Variants in GRIK4 observed in about 807,000 individuals in gnomAD.
The protein encoded by GRIK4 is glutamate receptor ionotropic, kainate 4.
A neutral mutation model predicts 104.9 loss-of-function variants in GRIK4; 40 were observed. The ratio of observed to expected loss-of-function variants is 0.38; its 90% CI spans 0.30 to 0.50. GRIK4 has a LOEUF of 0.50. GRIK4 is among the 20% of genes least tolerant of loss of function. The pLI, the probability that GRIK4 is intolerant of heterozygous loss-of-function variation, is 0.93. For synonymous variants in GRIK4, 485 were observed against 524.9 expected (o/e 0.92, Z 1.04); for missense variants, 1,047 against 1,308.1 (o/e 0.80, Z 3.08).
intron 1 of GRIK4, among the ~76,000 whole-genome samples, chr11:120,585,863 C>T (rs912350846): frequency 9.9e-5 from 15 of 151,906 alleles, no homozygotes; most frequent in African/African-American, 3.6e-4. Flanking sequence ...GGGGGAGGAA[C>T]TAATGGTGAC....
At chr11:120,643,664 C>A (rs1395925299) in intron 1 of GRIK4, among the ~76,000 whole-genome samples, 1 of 152,206 alleles carries the variant, frequency 6.6e-6, no homozygotes, top group Non-Finnish European at 1.5e-5. Context: ...CTTTGTGATC[C>A]TTGGCAAATT....
intron 1 of GRIK4, among the ~76,000 whole-genome samples, chr11:120,630,879 T>C (rs949311537): frequency 6.6e-6 from 1 of 152,206 alleles, no homozygotes; most frequent in Non-Finnish European, 1.5e-5. Context: ...GCTGGATCTA[T>C]TTTTTCTTCT....
At chr11:120,806,532 C>T (rs541465338) in intron 4 of GRIK4, among the ~76,000 whole-genome samples, 2 of 152,308 alleles carry the variant, frequency 1.3e-5, no homozygotes, top group African/African-American at 4.8e-5. Flanking sequence ...CACCTGTCAC[C>T]CTGTGGCCAG....
chr11:120,537,301 TG>T (rs1386509391), intron 1 of GRIK4, among the ~76,000 whole-genome samples: 4 of 152,082 alleles, frequency 2.6e-5, no homozygotes, highest in Non-Finnish European at 5.9e-5. Context: ...AATGAGAGAT[TG>T]GGAAGCATGA....
intron 16 of GRIK4, among the ~76,000 whole-genome samples, chr11:120,957,625 G>GTGTGTGTGTGTGTGTA (rs375508071): frequency 0.051 from 7,339 of 144,300 alleles, 220 homozygotes; most frequent in Non-Finnish European, 0.064. Flanking sequence ...GTGTGTGTGT[G>GTGTGTGTGTGTGTGTA]TAGCCTAGAG....
At chr11:120,696,484 G>A (rs906023034) in intron 3 of GRIK4, among the ~76,000 whole-genome samples, 1 of 138,424 alleles carries the variant, frequency 7.2e-6, no homozygotes, top group Admixed American at 7.2e-5. Flanking sequence ...GTGTCAGTGG[G>A]GGGGCATGTG....
At chr11:120,683,623 C>T (rs1027910490) in intron 3 of GRIK4, among the ~76,000 whole-genome samples, 2 of 152,022 alleles carry the variant, frequency 1.3e-5, no homozygotes, top group Admixed American at 1.3e-4. Context: ...GCATGGTGAG[C>T]CCAGGACTGA....
At chr11:120,899,259 A>G (rs545412569) in intron 12 of GRIK4, among the ~76,000 whole-genome samples, 1 of 152,012 alleles carries the variant, frequency 6.6e-6, no homozygotes. Flanking sequence ...TCTACTAAAA[A>G]AAAATAGAAA....
intron 1 of GRIK4, among the ~76,000 whole-genome samples, chr11:120,553,072 A>G (rs1948155298): frequency 6.6e-6 from 1 of 152,066 alleles, no homozygotes; most frequent in African/African-American, 2.4e-5. Context: ...AGGAGAGATT[A>G]GAGTGGGCTG....
chr11:120,717,222 G>A (rs1451679597), intron 3 of GRIK4, among the ~76,000 whole-genome samples: 1 of 152,180 alleles, frequency 6.6e-6, no homozygotes, highest in East Asian at 1.9e-4. Context: ...GCCATTGCAA[G>A]GTAGCTAATG....
intron 3 of GRIK4, among the ~76,000 whole-genome samples, chr11:120,692,266 A>C (rs1360733191): frequency 6.6e-6 from 1 of 152,232 alleles, no homozygotes; most frequent in African/African-American, 2.4e-5. Context: ...TCCAGGGCAT[A>C]CTCAGCACCA....
intron 3 of GRIK4, among the ~76,000 whole-genome samples, chr11:120,696,008 A>T (rs536427357): frequency 6.6e-6 from 1 of 151,826 alleles, no homozygotes; most frequent in Non-Finnish European, 1.5e-5. Flanking sequence ...TCCTAGGAGA[A>T]CCCCACTTCC....
intron 3 of GRIK4, among the ~76,000 whole-genome samples, chr11:120,709,329 C>G (rs12274300): frequency 0.25 from 37,351 of 151,574 alleles, 6,281 homozygotes; most frequent in African/African-American, 0.48. Flanking sequence ...AGCACCTGCT[C>G]TATGCCGTGT....
rs779335175 is a variant in GRIK4 at position 120,874,047 on chromosome 11, G to A, written c.907-19G>A. On this transcript the variant is annotated intron_variant, in intron 9 of 20. Transcript: ENST00000527524. ...CACCTCTCACTCCCTCCCTCCGCCT[G>A]CTCCCCGGCCTCTCCCAGCTCTCCT... The A allele has an allele frequency of 3.8e-6, 6 of 1,581,680 alleles. No individual in the cohort carries two copies. Among genetic ancestry groups the A allele is most frequent in the Non-Finnish European group, 5.2e-6 (6 of 1,155,814 alleles).
At chr11:120,658,290 C>T (rs1321439895) in intron 2 of GRIK4, among the ~76,000 whole-genome samples, 1 of 152,110 alleles carries the variant, frequency 6.6e-6, no homozygotes, top group African/African-American at 2.4e-5. Context: ...TGCTGCTGGA[C>T]ATTTGGGTGG....
chr11:120,894,840 G>A (rs976128048), intron 11 of GRIK4: 9 of 152,208 alleles, frequency 5.9e-5, no homozygotes, highest in Non-Finnish European at 1.3e-4. Flanking sequence ...TGCCCAGTGG[G>A]TGGGGCAATT....
intron 19 of GRIK4, among the ~76,000 whole-genome samples, chr11:120,976,545 T>C (rs1944563925): frequency 6.6e-6 from 1 of 152,230 alleles, no homozygotes; most frequent in African/African-American, 2.4e-5. Context: ...TAGGTGAATA[T>C]AGTTCTGAAA....
rs1168870697 is a variant in GRIK4 at position 120,988,672 on chromosome 11, C to T, written c.*2412C>T. 4 of 152,186 alleles carry T rather than the reference C, an allele frequency of 2.6e-5. No homozygotes were observed. The highest frequency in any genetic ancestry group is 5.9e-5 in the Non-Finnish European group (4 of 68,060). 9.4% of individuals were successfully genotyped at this position (152,186 alleles called of 1,614,324 possible). A position where few individuals can be genotyped will look rare whatever the true frequency, so the allele number is the denominator to read the frequency against. ...TCCTTGGTTTGTTTCCACTTTTTAT[C>T]TGTTGGTTGTTGGCTTTCTTTTCCA... On this transcript the variant is annotated 3_prime_UTR_variant, in exon 21 of 21. Transcript: ENST00000527524.
In GRIK4 at chr11:120,568,520, T is replaced by G. The variant is rs531662692; in HGVS notation, c.-159+56633T>G. ...CCCCTGCTTCAGCCTCCCAGGTAGC[T>G]GGGACCATAAGTGCACACCACCATG... On this transcript the variant is annotated intron_variant, in intron 1 of 20. Transcript: ENST00000527524. 3.9e-5 allele frequency among the ~76,000 whole-genome samples: 6 copies of G among 152,270 alleles called. No individual in the cohort carries two copies. In the South Asian group the frequency reaches 1.0e-3, roughly 26 times the overall value.
Sources: allele counts gnomAD v4.1 joint callset (sites outside exome capture counted in the v4.1 genomes callset), GRCh38; gene constraint gnomAD v4.1.1; transcripts MANE v1.5; gene names NCBI Gene and HGNC (gene_info 2026-07-23, HGNC 2026-07-21).